Variants in EPHA6 observed in about 807,000 individuals in gnomAD.
EPHA6 encodes the protein ephrin type-A receptor 6.
EPHA6 carries 50 observed loss-of-function variants against 112.0 expected under a neutral mutation model. The ratio of observed to expected loss-of-function variants is 0.45; its 90% CI spans 0.36 to 0.56. EPHA6 has a LOEUF of 0.56. EPHA6 is among the 20% of genes least tolerant of loss of function. The pLI, the probability that EPHA6 is intolerant of heterozygous loss-of-function variation, is 0.00. For missense variants in EPHA6, 1,280 were observed against 1,417.4 expected, an observed-to-expected ratio of 0.90 and a Z score of 1.56; for synonymous variants, 529 against 490.7, an observed-to-expected ratio of 1.08 and a Z score of -1.03.
intron 14 of EPHA6, among the ~76,000 whole-genome samples, chr3:97,655,134 ACACATACATATATATGT>A (rs1375617880): frequency 1.3e-5 from 2 of 148,304 alleles, no homozygotes; most frequent in East Asian, 3.9e-4. Flanking sequence ...ATATATATAT[ACACATACATATATATGT>A]TTTTTGTGTA....
At chr3:97,441,493 T>C (rs904792796) in intron 6 of EPHA6, 2 of 893,600 alleles carry the variant, frequency 2.2e-6, no homozygotes, top group African/African-American at 3.6e-5. Flanking sequence ...CATAATTATA[T>C]TTAACCATAA....
At chr3:97,086,708 A>T (rs2046911946) in intron 3 of EPHA6, among the ~76,000 whole-genome samples, 1 of 152,118 alleles carries the variant, frequency 6.6e-6, no homozygotes, top group Non-Finnish European at 1.5e-5. Context: ...ATGTTAAAAT[A>T]GATATTTACA....
At chr3:97,048,346 A>C (rs2045579988) in intron 3 of EPHA6, among the ~76,000 whole-genome samples, 1 of 152,196 alleles carries the variant, frequency 6.6e-6, no homozygotes, top group African/African-American at 2.4e-5. Context: ...AAGACACTGC[A>C]TGTGAACAAA....
intron 5 of EPHA6, among the ~76,000 whole-genome samples, chr3:97,388,439 A>G (rs2086199452): frequency 6.6e-6 from 1 of 152,116 alleles, no homozygotes; most frequent in African/African-American, 2.4e-5. Flanking sequence ...GGACTCGAGG[A>G]GGGAGTTAGG....
chr3:97,689,427 TTAATTTTATTTAGAAGGG>T (rs2032494384), intron 14 of EPHA6, among the ~76,000 whole-genome samples: 1 of 152,172 alleles, frequency 6.6e-6, no homozygotes, highest in Admixed American at 6.5e-5. Flanking sequence ...TATATAAAAA[TTAATTTTATTTAGAAGGG>T]TAATTTTTTG....
chr3:97,619,638 G>A (rs1275034018), intron 13 of EPHA6, among the ~76,000 whole-genome samples: 1 of 151,800 alleles, frequency 6.6e-6, no homozygotes, highest in Non-Finnish European at 1.5e-5. Flanking sequence ...CAGGCCAATA[G>A]CCAAATCACA....
intron 5 of EPHA6, among the ~76,000 whole-genome samples, chr3:97,300,701 A>G (rs900735538): frequency 6.6e-6 from 1 of 152,096 alleles, no homozygotes; most frequent in Non-Finnish European, 1.5e-5. Flanking sequence ...ATTTGGATTC[A>G]CCTGGCCTAT....
chr3:97,632,330 G>T (rs556672865), intron 13 of EPHA6, among the ~76,000 whole-genome samples: 4 of 152,118 alleles, frequency 2.6e-5, no homozygotes, highest in Admixed American at 6.6e-5. Context: ...GGGATTACAA[G>T]GGTGAACAAG....
rs575353661 is a variant in EPHA6 at position 97,104,409 on chromosome 3, GT to G, written c.1114+116423del. On this transcript the variant is annotated intron_variant, in intron 3 of 17. Coordinates refer to ENST00000389672, the MANE Select transcript of EPHA6 (RefSeq NM_001080448.3). The stretch of plus-strand genomic sequence containing the variant: ...CTGCATCTATTGAGATAATCATGTG[GT>G]TTTTTTCTTTAGTTCTGTTTATATG... Among the ~76,000 whole-genome samples the G allele has an allele frequency of 4.1e-3, 627 of 151,992 alleles. 4 individuals are homozygous for G. The highest frequency in any genetic ancestry group is 0.014 in the African/African-American group (589 of 41,470).
At chr3:97,062,605 A>G (rs2108127015) in intron 3 of EPHA6, among the ~76,000 whole-genome samples, 1 of 152,260 alleles carries the variant, frequency 6.6e-6, no homozygotes, top group African/African-American at 2.4e-5. Flanking sequence ...TGTGGGAGGG[A>G]CCCAATGGGA....
intron 3 of EPHA6, among the ~76,000 whole-genome samples, chr3:97,029,265 G>A (rs2044744237): frequency 6.6e-6 from 1 of 151,372 alleles, no homozygotes; most frequent in South Asian, 2.1e-4. Context: ...CTTCTAGTAA[G>A]ATCAAGTTAT....
intron 12 of EPHA6, among the ~76,000 whole-genome samples, chr3:97,600,329 A>G (rs1217653247): frequency 6.6e-6 from 1 of 150,506 alleles, no homozygotes; most frequent in African/African-American, 2.5e-5. Context: ...GAGAGAGGGC[A>G]TCCCTGTCTT....
In EPHA6 at chr3:97,748,326, G is replaced by C. The variant is rs140740760; in HGVS notation, c.3279-261G>C. On this transcript the variant is annotated intron_variant, in intron 17 of 17. Coordinates refer to ENST00000389672, the MANE Select transcript of EPHA6 (RefSeq NM_001080448.3). The stretch of plus-strand genomic sequence containing the variant: ...TTGAAATATATATATTATTACATCT[G>C]AGATTAACTTTATGTATTCTGTGGA... 2.0e-5 allele frequency among the ~76,000 whole-genome samples: 3 copies of C among 152,000 alleles called. No homozygotes were observed. In the East Asian group the frequency reaches 5.8e-4, roughly 29 times the overall value.
At chr3:97,007,329 GT>G (rs1384706430) in intron 3 of EPHA6, among the ~76,000 whole-genome samples, 1 of 152,054 alleles carries the variant, frequency 6.6e-6, no homozygotes, top group African/African-American at 2.4e-5. Context: ...AGCTCTTCTT[GT>G]TGAATTATTG....
intron 4 of EPHA6, among the ~76,000 whole-genome samples, chr3:97,228,207 T>G (rs1274874644): frequency 6.6e-6 from 1 of 152,118 alleles, no homozygotes; most frequent in African/African-American, 2.4e-5. Context: ...ACAGGTGGTG[T>G]TTGGTTGCAT....
rs2093009777 is a variant in EPHA6, at chr3:97,550,116, A to T, written c.2386+17573A>T. Among the ~76,000 whole-genome samples the T allele has an allele frequency of 2.0e-5, 3 of 152,220 alleles. No homozygotes were observed. In the South Asian group the frequency reaches 6.2e-4, roughly 32 times the overall value. On this transcript the variant is annotated intron_variant, in intron 11 of 17. Transcript: ENST00000389672. Reference sequence around the variant, plus strand: ...AAAGGACTTTCATCTGTAGGAGGCCAAGTCAATTCCAGGTTTCAAGGCTTT... The same window carrying T: ...AAAGGACTTTCATCTGTAGGAGGCCTAGTCAATTCCAGGTTTCAAGGCTTT...
At chr3:97,511,987 C>T (rs1368705636) in intron 10 of EPHA6, among the ~76,000 whole-genome samples, 2 of 151,918 alleles carry the variant, frequency 1.3e-5, no homozygotes, top group African/African-American at 4.8e-5. Context: ...ATATACATCG[C>T]AATCTAGGAC....
At chr3:97,046,374 C>T in intron 3 of EPHA6, among the ~76,000 whole-genome samples, 1 of 151,918 alleles carries the variant, frequency 6.6e-6, no homozygotes, top group East Asian at 1.9e-4. Context: ...TAACACCTAC[C>T]CATGGTAAAA....
chr3:96,977,826 C>T (rs1378524332), intron 2 of EPHA6, among the ~76,000 whole-genome samples: 3 of 152,110 alleles, frequency 2.0e-5, no homozygotes, highest in African/African-American at 7.2e-5. Flanking sequence ...ATTACACATA[C>T]TGTATTCTTA....
Sources: gnomAD v4.1 joint callset for allele counts (sites outside exome capture counted in the v4.1 genomes callset) on GRCh38, gnomAD v4.1.1 for gene constraint, MANE v1.5 for transcripts, NCBI Gene and HGNC (gene_info 2026-07-23, HGNC 2026-07-21) for gene names.